OSBPL1A: variants seen among roughly 807,000 people sequenced by gnomAD.
OSBPL1A encodes the protein oxysterol-binding protein-related protein 1.
In OSBPL1A, 80 loss-of-function variants were observed where a neutral mutation model predicts 137.1. The observed-to-expected ratio is 0.58, with a 90% CI of 0.49 to 0.70. The LOEUF (loss-of-function observed/expected upper bound fraction) is 0.70. OSBPL1A is among the 30% of genes least tolerant of loss of function. The probability of loss-of-function intolerance (pLI) is 0.00; values close to 1 mark genes in which losing one functional copy is unlikely to be tolerated. For missense variants in OSBPL1A, 970 were observed against 1,129.4 expected (o/e 0.86, Z 2.02); for synonymous variants, 365 against 389.7 (o/e 0.94, Z 0.75).
intron 14 of OSBPL1A, among the ~76,000 whole-genome samples, chr18:24,285,341 A>G (rs562640469): frequency 6.6e-6 from 1 of 152,308 alleles, no homozygotes; most frequent in East Asian, 1.9e-4. Flanking sequence ...ATATAATCTG[A>G]ATCCAAATGG....
In OSBPL1A at chr18:24,397,776, C is replaced by T. The variant is rs1010581105; in HGVS notation, c.-124G>A. The T allele has an allele frequency of 1.3e-5, 2 of 152,210 alleles. No homozygotes were observed. The allele number at this position is 152,210 out of a possible 1,614,324, so 9.4% of individuals were successfully genotyped here. ...AACTCTGGCTGGCACTCCCCGAGGA[C>T]GCTCGAGCCCGCGTAACGTCTGTCT... On this transcript the variant is annotated 5_prime_UTR_variant, in exon 1 of 28. Coordinates refer to ENST00000319481, the MANE Select transcript of OSBPL1A (RefSeq NM_080597.4).
intron 2 of OSBPL1A, among the ~76,000 whole-genome samples, chr18:24,369,007 C>T (rs1453475755): frequency 1.3e-5 from 2 of 152,118 alleles, no homozygotes; most frequent in African/African-American, 4.8e-5. Context: ...GTGGTTGTTT[C>T]CTGAGGCCTC....
At chr18:24,235,715 C>A (rs116415532) in intron 16 of OSBPL1A, among the ~76,000 whole-genome samples, 48 of 152,296 alleles carry the variant, frequency 3.2e-4, no homozygotes, top group African/African-American at 1.1e-3. Context: ...AAGTCTCTAG[C>A]AAGAGATCAA....
At chr18:24,311,020 C>T (rs1424114995) in intron 13 of OSBPL1A, among the ~76,000 whole-genome samples, 1 of 152,084 alleles carries the variant, frequency 6.6e-6, no homozygotes, top group Non-Finnish European at 1.5e-5. Context: ...AGGCTTTAAA[C>T]CAGAGGTAGT....
intron 2 of OSBPL1A, among the ~76,000 whole-genome samples, chr18:24,374,930 C>T (rs1428177910): frequency 6.6e-6 from 1 of 152,000 alleles, no homozygotes; most frequent in Non-Finnish European, 1.5e-5. Flanking sequence ...CTCCACCACA[C>T]GAACACACAG....
intron 15 of OSBPL1A, among the ~76,000 whole-genome samples, chr18:24,259,573 T>C (rs2089388362): frequency 1.3e-5 from 2 of 152,114 alleles, no homozygotes; most frequent in Middle Eastern, 3.2e-3. Context: ...AATTTGACAG[T>C]AGGAACAGCC....
intron 1 of OSBPL1A, among the ~76,000 whole-genome samples, chr18:24,382,545 C>A (rs1241329187): frequency 6.6e-6 from 1 of 151,608 alleles, no homozygotes; most frequent in Non-Finnish European, 1.5e-5. Context: ...CCACTGCACT[C>A]CAGCCTGTGT....
At chr18:24,272,205 G>A (rs530791598) in intron 15 of OSBPL1A, 11 of 983,600 alleles carry the variant, frequency 1.1e-5, no homozygotes, top group South Asian at 9.4e-5. Flanking sequence ...CTGTGCGCTC[G>A]GCCCTCTCCT....
chr18:24,272,310 A>C, intron 15 of OSBPL1A: 1 of 976,984 alleles, frequency 1.0e-6, no homozygotes, highest in South Asian at 4.7e-5. Flanking sequence ...AAGCAAAGGA[A>C]TCTTCTCTCC....
intron 15 of OSBPL1A, among the ~76,000 whole-genome samples, chr18:24,261,648 C>T (rs927627946): frequency 1.3e-5 from 2 of 152,038 alleles, no homozygotes; most frequent in Non-Finnish European, 2.9e-5. Flanking sequence ...GCTTGGGCAA[C>T]AGGGCAAAAC....
chr18:24,243,911 T>C (rs766803597), intron 15 of OSBPL1A, among the ~76,000 whole-genome samples: 1 of 152,184 alleles, frequency 6.6e-6, no homozygotes, highest in Non-Finnish European at 1.5e-5. Context: ...GGTAATGAGT[T>C]TTCTTGATAC....
chr18:24,288,625 G>A lies in OSBPL1A; in HGVS notation c.1175-7677C>T, dbSNP rs368591284. Among the ~76,000 whole-genome samples, 6 of 152,240 alleles carry A rather than the reference G, an allele frequency of 3.9e-5. No individual in the cohort carries two copies. In the South Asian group the frequency reaches 1.2e-3, roughly 32 times the overall value. On this transcript the variant is annotated intron_variant, in intron 14 of 27. Coordinates refer to ENST00000319481, the MANE Select transcript of OSBPL1A (RefSeq NM_080597.4). The stretch of plus-strand genomic sequence containing the variant: ...TCTACTAAAAATACAAAAATTAGCT[G>A]GGCATGGTGGCACACGCCTGTAATC...
intron 4 of OSBPL1A, among the ~76,000 whole-genome samples, chr18:24,351,135 G>A (rs887463363): frequency 6.6e-6 from 1 of 151,906 alleles, no homozygotes; most frequent in Non-Finnish European, 1.5e-5. Context: ...ATCATTTAAG[G>A]TCAGGAGTTC....
At chr18:24,260,579 C>T (rs138364884) in intron 15 of OSBPL1A, among the ~76,000 whole-genome samples, 37 of 152,130 alleles carry the variant, frequency 2.4e-4, no homozygotes, top group East Asian at 1.9e-3. Context: ...TCCATTTACA[C>T]GAAATGTTCA....
At chr18:24,252,718 G>T (rs570538484) in intron 15 of OSBPL1A, among the ~76,000 whole-genome samples, 1 of 152,250 alleles carries the variant, frequency 6.6e-6, no homozygotes, top group African/African-American at 2.4e-5. Flanking sequence ...ACTACACCTA[G>T]CTAGAAAGGC....
intron 1 of OSBPL1A, among the ~76,000 whole-genome samples, chr18:24,389,066 G>A (rs547369904): frequency 6.6e-6 from 1 of 152,070 alleles, no homozygotes; most frequent in Admixed American, 6.6e-5. Context: ...CCAGAAAAGC[G>A]CTTTGTCTCT....
intron 15 of OSBPL1A, among the ~76,000 whole-genome samples, chr18:24,260,242 G>A (rs896810719): frequency 2.6e-5 from 4 of 152,080 alleles, no homozygotes; most frequent in Non-Finnish European, 5.9e-5. Context: ...CAGCCACTGC[G>A]GAAAACAGTA....
At chr18:24,272,070 G>A (rs930683691) in intron 15 of OSBPL1A, 105 of 982,070 alleles carry the variant, frequency 1.1e-4, no homozygotes, top group Admixed American at 1.3e-4. Flanking sequence ...CAGCGCCGCT[G>A]GCGGGCGGAG....
At chr18:24,326,454 A>G (rs976334804) in intron 7 of OSBPL1A, among the ~76,000 whole-genome samples, 1 of 152,224 alleles carries the variant, frequency 6.6e-6, no homozygotes, top group Non-Finnish European at 1.5e-5. Flanking sequence ...GACGCCTGAC[A>G]CAAGCAGGTA....
Sources: allele counts gnomAD v4.1 joint callset (sites outside exome capture counted in the v4.1 genomes callset), GRCh38; gene constraint gnomAD v4.1.1; transcripts MANE v1.5; gene names NCBI Gene and HGNC (gene_info 2026-07-23, HGNC 2026-07-21).